The following OR6N1 variants were observed in gnomAD, a reference collection of about 807,000 sequenced individuals.
OR6N1 encodes the protein olfactory receptor family 6 subfamily N member 1, also known as olfactory receptor 6N1.
For missense variants in OR6N1, 394 were observed against 371.7 expected, an observed-to-expected ratio of 1.06 and a Z score of -0.49; for synonymous variants, 170 against 150.7, an observed-to-expected ratio of 1.13 and a Z score of -0.94.
At chr1:158,784,055 G>A in the OR6N1 span, among the ~76,000 whole-genome samples, 1 of 152,038 alleles carries the variant, frequency 6.6e-6, no homozygotes, top group African/African-American at 2.4e-5. Flanking sequence ...GCAGTGAGCC[G>A]AGATCTCGCC....
the OR6N1 span, among the ~76,000 whole-genome samples, chr1:158,794,245 G>A: frequency 4.6e-5 from 7 of 152,136 alleles, no homozygotes; most frequent in Non-Finnish European, 8.8e-5. Context: ...CTTCACAAGC[G>A]TCAGGGCTGC....
chr1:158,793,322 T>C, the OR6N1 span, among the ~76,000 whole-genome samples: 1,667 of 152,298 alleles, frequency 0.011, 31 homozygotes, highest in African/African-American at 0.037. Flanking sequence ...GTTAGTGTTA[T>C]CTTTTGTGAG....
At chr1:158,808,877 G>C in the OR6N1 span, 1 of 152,582 alleles carries the variant, frequency 6.6e-6, no homozygotes, top group African/African-American at 2.4e-5. Context: ...AAGTGCAGCT[G>C]AGAAGCCAGC....
chr1:158,791,601 CT>C, the OR6N1 span, among the ~76,000 whole-genome samples: 2 of 151,638 alleles, frequency 1.3e-5, no homozygotes, highest in Non-Finnish European at 1.5e-5. Flanking sequence ...TCCAGAGTAG[CT>C]GGGATTACAG....
rs769238634 is a variant in OR6N1, at chr1:158,765,855, C to T, written c.828G>A (p.Val276=). 28 of 1,613,960 alleles carry T rather than the reference C, an allele frequency of 1.7e-5. No individual in the cohort carries two copies. The highest frequency in any genetic ancestry group is 1.7e-6 in the Non-Finnish European group (2 of 1,179,988). ...GGAAGGGTGTGAGCACTGAGTAGAC[C>T]ACTGCCAGGGCCTGGTCATAGTCCA... ...YSLDYDQALA[V]VYSVLTPFLN... is the part of the protein sequence containing the mutation. The change falls in exon 2 of 2, where the codon GTG becomes GTA. Residue 276 remains valine, a synonymous_variant. Transcript: ENST00000641846.
the OR6N1 span, among the ~76,000 whole-genome samples, chr1:158,826,349 T>G: frequency 6.6e-6 from 1 of 152,174 alleles, no homozygotes; most frequent in East Asian, 1.9e-4. Flanking sequence ...AAGAAATGAC[T>G]ATATTTTATT....
the OR6N1 span, among the ~76,000 whole-genome samples, chr1:158,819,717 C>CTGTCTGCACATCTCAGCT: frequency 6.6e-6 from 1 of 152,200 alleles, no homozygotes; most frequent in Non-Finnish European, 1.5e-5. Flanking sequence ...GCTTATCTGC[C>CTGTCTGCACATCTCAGCT]TGTCTGCACA....
chr1:158,838,813 A>G, the OR6N1 span, among the ~76,000 whole-genome samples: 1 of 152,054 alleles, frequency 6.6e-6, no homozygotes, highest in Non-Finnish European at 1.5e-5. Context: ...ATTACACATG[A>G]CCTGTCTAAA....
At chr1:158,777,604 T>A in the OR6N1 span, 1 of 1,613,644 alleles carries the variant, frequency 6.2e-7, no homozygotes. Flanking sequence ...GAACACAAAT[T>A]CAGCCAGGCT....
the OR6N1 span, chr1:158,777,284 T>C: frequency 3.0e-5 from 48 of 1,613,996 alleles, no homozygotes; most frequent in Non-Finnish European, 2.5e-5. Context: ...TCATAGGCCA[T>C]GGCTGTAAGA....
At chr1:158,833,608 T>C in the OR6N1 span, among the ~76,000 whole-genome samples, 1 of 152,246 alleles carries the variant, frequency 6.6e-6, no homozygotes, top group East Asian at 1.9e-4. Flanking sequence ...CTGGCTTTTT[T>C]CATTTCATGT....
the OR6N1 span, among the ~76,000 whole-genome samples, chr1:158,816,206 G>A: frequency 6.6e-6 from 1 of 151,224 alleles, no homozygotes; most frequent in Non-Finnish European, 1.5e-5. Context: ...AAACCAAAGA[G>A]CCAAGCATTA....
chr1:158,789,459 C>G, the OR6N1 span, among the ~76,000 whole-genome samples: 1 of 152,206 alleles, frequency 6.6e-6, no homozygotes, highest in Non-Finnish European at 1.5e-5. Context: ...TTCTCACCAA[C>G]AGCCTATGAG....
chr1:158,776,862 C>T (rs768340277), upstream of OR6N1: 3 of 1,614,048 alleles, frequency 1.9e-6, no homozygotes, highest in Non-Finnish European at 8.5e-7. Flanking sequence ...GCCGCACATA[C>T]ATGAAGATGA....
the OR6N1 span, among the ~76,000 whole-genome samples, chr1:158,801,164 G>GGTGTGT: frequency 1.9e-4 from 28 of 148,800 alleles, no homozygotes; most frequent in African/African-American, 6.4e-4. Context: ...TGCACATACT[G>GGTGTGT]GTGTGTGTGT....
the OR6N1 span, among the ~76,000 whole-genome samples, chr1:158,778,373 T>C: frequency 1.3e-5 from 2 of 152,212 alleles, no homozygotes; most frequent in Middle Eastern, 3.4e-3. Context: ...GCCCGTAAGA[T>C]GAATTTTCCA....
the OR6N1 span, among the ~76,000 whole-genome samples, chr1:158,813,888 C>T: frequency 6.6e-6 from 1 of 151,740 alleles, no homozygotes; most frequent in Non-Finnish European, 1.5e-5. Context: ...TTGGTAGAGA[C>T]AGAGTTTCAC....
the OR6N1 span, among the ~76,000 whole-genome samples, chr1:158,814,814 A>G: frequency 6.6e-6 from 1 of 152,224 alleles, no homozygotes. Context: ...TCTTACATTG[A>G]TGATTATTTC....
At chr1:158,777,531 G>C in the OR6N1 span, 2 of 1,614,096 alleles carry the variant, frequency 1.2e-6, no homozygotes, top group Non-Finnish European at 1.7e-6. Context: ...TGGTGAACAG[G>C]TATGCCAATA....
Sources: allele counts gnomAD v4.1 joint callset (sites outside exome capture counted in the v4.1 genomes callset), GRCh38; gene constraint gnomAD v4.1.1; transcripts MANE v1.5; gene names NCBI Gene and HGNC (gene_info 2026-07-23, HGNC 2026-07-21).